The following TOR1AIP1 variants were observed in gnomAD, a reference collection of about 807,000 sequenced individuals.
The protein encoded by TOR1AIP1 is torsin 1A interacting protein 1.
Under a neutral mutation model 63.3 loss-of-function variants are expected in TOR1AIP1, and 54 were observed. That is an observed-to-expected ratio of 0.85 (90% confidence interval 0.69 to 1.07). The LOEUF (loss-of-function observed/expected upper bound fraction) is 1.07, where lower values mean the gene tolerates loss of function less well. Among genes scored for constraint, TOR1AIP1 ranks in the 50% least tolerant of loss-of-function variants. TOR1AIP1 has a pLI of 0.00. For missense variants in TOR1AIP1, 736 were observed against 715.0 expected, an observed-to-expected ratio of 1.03 and a Z score of -0.33; for synonymous variants, 294 against 273.5, an observed-to-expected ratio of 1.07 and a Z score of -0.74.
chr1:179,887,328 G>A (rs1647939293), intron 2 of TOR1AIP1, among the ~76,000 whole-genome samples: 1 of 152,148 alleles, frequency 6.6e-6, no homozygotes, highest in African/African-American at 2.4e-5. Flanking sequence ...GAACGCGGGA[G>A]GCGGAGGTTG....
In TOR1AIP1 at chr1:179,918,419, A is replaced by C; in HGVS notation, c.*180A>C. 1 of 627,068 alleles carries C rather than the reference A, an allele frequency of 1.6e-6. No individual in the cohort carries two copies. The highest frequency in any genetic ancestry group is 1.8e-5 in the African/African-American group (1 of 54,308). The allele number at this position is 627,068 out of a possible 1,614,324, so 38.8% of individuals were successfully genotyped here. ...AACCTAATTATCTGTGATATGAGAG[A>C]ATCATTTCAGTTTCCATTGAGAGCT... On this transcript the variant is annotated 3_prime_UTR_variant, in exon 10 of 10. Transcript: ENST00000606911.
rs2148482633 is a variant in TOR1AIP1 at position 179,914,067 on chromosome 1, A to G, written c.964+13A>G. On this transcript the variant is annotated intron_variant, in intron 9 of 9. Coordinates refer to ENST00000606911, the MANE Select transcript of TOR1AIP1 (RefSeq NM_015602.4). ...ACCTCCAGCCGACGTAAGTTTATGT[A>G]TTCAGTTTTTATTAAATATTTCTGT... The G allele has an allele frequency of 1.9e-6, 3 of 1,608,930 alleles. No homozygotes were observed. Among genetic ancestry groups the G allele is most frequent in the Admixed American group, 1.7e-5 (1 of 59,164 alleles).
chr1:179,884,811 C>A, intron 2 of TOR1AIP1, 42 bp downstream of exon 2: 1 of 1,441,056 alleles, frequency 6.9e-7, no homozygotes, highest in Non-Finnish European at 9.6e-7. Context: ...TACCTACCAA[C>A]TTTTTAAATG....
intron 5 of TOR1AIP1, among the ~76,000 whole-genome samples, chr1:179,901,784 A>C (rs547776): frequency 0.58 from 87,996 of 151,748 alleles, 26,368 homozygotes; most frequent in East Asian, 0.76. Flanking sequence ...ATTCAAACCA[A>C]ATTATTAATT....
intron 8 of TOR1AIP1, among the ~76,000 whole-genome samples, chr1:179,909,503 C>T (rs966940712): frequency 2.0e-5 from 3 of 151,966 alleles, no homozygotes; most frequent in Non-Finnish European, 4.4e-5. Flanking sequence ...CTCTGCCTCC[C>T]GGGTTCAAGC....
rs755952140 is a variant in TOR1AIP1 at position 179,882,534 on chromosome 1, T to C, written c.32T>C (p.Val11Ala). The change falls in exon 1 of 10, where the codon GTG becomes GCG. Residue 11 changes from valine (V) to alanine (A), a missense_variant. By Grantham distance (64) the Val-to-Ala change is moderately conservative (BLOSUM62 0). Coordinates refer to ENST00000606911, the MANE Select transcript of TOR1AIP1 (RefSeq NM_015602.4). MAGDGRRAEA[V>A]REGWGVYVTP... ...GGCGACGGGCGGCGGGCAGAGGCGG[T>C]GCGGGAAGGATGGGGTGTGTACGTC... is the stretch of plus-strand genomic sequence containing the variant. 7 of 1,449,196 alleles carry C rather than the reference T, an allele frequency of 4.8e-6. No individual in the cohort carries two copies. Among genetic ancestry groups the C allele is most frequent in the East Asian group, 2.5e-5 (1 of 39,590 alleles). The allele number at this position is 1,449,196 out of a possible 1,614,324, so 89.8% of individuals were successfully genotyped here.
At chr1:179,890,900 A>G (rs1648054764) in intron 3 of TOR1AIP1, among the ~76,000 whole-genome samples, 1 of 152,146 alleles carries the variant, frequency 6.6e-6, no homozygotes, top group Admixed American at 6.5e-5. Flanking sequence ...GATTATTGGC[A>G]TGCACAACTG....
At chr1:179,885,187 C>T (rs1405057927) in intron 2 of TOR1AIP1, among the ~76,000 whole-genome samples, 1 of 152,190 alleles carries the variant, frequency 6.6e-6, no homozygotes, top group Non-Finnish European at 1.5e-5. Flanking sequence ...AATCTTGACA[C>T]AGTGTGATCA....
At chr1:179,901,265 A>T in intron 4 of TOR1AIP1, 37 bp from the exon 5 acceptor site, 1 of 1,400,858 alleles carries the variant, frequency 7.1e-7, no homozygotes, top group Non-Finnish European at 9.9e-7. Flanking sequence ...TGAGCATTAA[A>T]ATAGACTATA....
chr1:179,917,315 A>G (rs939519625), intron 9 of TOR1AIP1, 137 bp from the exon 10 acceptor site: 25 of 757,482 alleles, frequency 3.3e-5, no homozygotes, highest in South Asian at 2.3e-4. Context: ...TTATTAAGAA[A>G]ATTATCAGCT....
Position 179,882,574 on chromosome 1 carries a change from C to T in TOR1AIP1, c.72C>T (p.Pro24=), listed in dbSNP as rs767301884. ...GTGTGTACGTCACCCCCAGGGCCCC[C>T]ATCCGAGAGGGAAGGGGCCGGCTCG... is the stretch of plus-strand genomic sequence containing the variant. ...GWGVYVTPRA[P]IREGRGRLAP... is the part of the protein sequence containing the mutation. The change falls in exon 1 of 10, where the codon CCC becomes CCT. Residue 24 remains proline, a synonymous_variant. Transcript: ENST00000606911. 2.0e-6 allele frequency: 3 copies of T among 1,518,076 alleles called. No individual in the cohort carries two copies. Among genetic ancestry groups the T allele is most frequent in the Non-Finnish European group, 2.6e-6 (3 of 1,136,704 alleles). The allele number at this position is 1,518,076 out of a possible 1,614,324, so 94.0% of individuals were successfully genotyped here.
At chr1:179,884,385 C>T (rs2148469755) in intron 1 of TOR1AIP1, among the ~76,000 whole-genome samples, 1 of 152,230 alleles carries the variant, frequency 6.6e-6, no homozygotes, top group South Asian at 2.1e-4. Context: ...AAACATTTTT[C>T]ACTCTTCTGC....
chr1:179,882,506 G>A lies in TOR1AIP1; in HGVS notation c.4G>A (p.Ala2Thr), dbSNP rs762432523. 2 of 1,455,930 alleles carry A rather than the reference G, an allele frequency of 1.4e-6. No homozygotes were observed. The highest frequency in any genetic ancestry group is 2.9e-5 in the Admixed American group (1 of 34,904). The allele number at this position is 1,455,930 out of a possible 1,614,324, so 90.2% of individuals were successfully genotyped here. Residue 2 changes from alanine (A) to threonine (T), a missense_variant, in exon 1 of 10, where the codon GCG becomes ACG. Ala to Thr is a moderately conservative substitution (Grantham distance 58, BLOSUM62 0). Around this residue, in one of 2 missense-constraint regions of TOR1AIP1, gnomAD observed 464 missense variants for 371.0 expected, o/e 1.25. Coordinates refer to ENST00000606911, the MANE Select transcript of TOR1AIP1 (RefSeq NM_015602.4). MAGDGRRAEAVR... is the reference protein window; with the variant it reads MTGDGRRAEAVR... ...GACTAAAGCTACGTCAACAACTATG[G>A]CGGGCGACGGGCGGCGGGCAGAGGC...
Position 179,882,603 on chromosome 1 carries a change from C to T in TOR1AIP1, c.101C>T (p.Pro34Leu). The T allele has an allele frequency of 1.3e-6, 2 of 1,528,286 alleles. No individual in the cohort carries two copies. The highest frequency in any genetic ancestry group is 1.8e-6 in the Non-Finnish European group (2 of 1,140,414). The allele number at this position is 1,528,286 out of a possible 1,614,324, so 94.7% of individuals were successfully genotyped here. The change falls in exon 1 of 10, where the codon CCT (proline) becomes CTT (leucine). Residue 34 changes from proline to leucine, a missense_variant. Around this residue, in one of 2 missense-constraint regions of TOR1AIP1, gnomAD observed 464 missense variants for 371.0 expected, o/e 1.25. Coordinates refer to ENST00000606911, the MANE Select transcript of TOR1AIP1 (RefSeq NM_015602.4). The part of the protein sequence containing the change: ...PIREGRGRLA[P>L]QNGGSSDAPA... ...CGAGAGGGAAGGGGCCGGCTCGCCCCTCAAAATGGCGGCAGCAGCGATGCG... is the reference window on the plus strand; with the variant it reads ...CGAGAGGGAAGGGGCCGGCTCGCCCTTCAAAATGGCGGCAGCAGCGATGCG...
chr1:179,887,389 A>G (rs2148471055), intron 2 of TOR1AIP1, among the ~76,000 whole-genome samples: 1 of 152,238 alleles, frequency 6.6e-6, no homozygotes, highest in Admixed American at 6.5e-5. Flanking sequence ...ATGGAGCCAG[A>G]GTCCGTCTAA....
intron 4 of TOR1AIP1, among the ~76,000 whole-genome samples, chr1:179,901,089 A>G (rs1431354138): frequency 1.3e-5 from 2 of 152,232 alleles, no homozygotes; most frequent in African/African-American, 2.4e-5. Flanking sequence ...TTAGGAAAGT[A>G]TTATGTGCCC....
At chr1:179,912,841 TA>T (rs1648882049) in intron 8 of TOR1AIP1, among the ~76,000 whole-genome samples, 1 of 152,224 alleles carries the variant, frequency 6.6e-6, no homozygotes, top group Non-Finnish European at 1.5e-5. Flanking sequence ...GGGCTAATAT[TA>T]TTCCTCCAGT....
At chr1:179,901,250 T>A in intron 4 of TOR1AIP1, 52 bp from the exon 5 acceptor site, 1 of 1,218,256 alleles carries the variant, frequency 8.2e-7, no homozygotes, top group Non-Finnish European at 1.1e-6. Flanking sequence ...TAAATTCAGA[T>A]CTTCTGAGCA....
At chr1:179,883,535 A>T (rs2148469305) in intron 1 of TOR1AIP1, 2 of 440,552 alleles carry the variant, frequency 4.5e-6, no homozygotes, top group Non-Finnish European at 9.2e-6. Context: ...CAATACTTTC[A>T]CCGAAATGGG....
Sources: gnomAD v4.1 joint callset for allele counts (sites outside exome capture counted in the v4.1 genomes callset) on GRCh38, gnomAD v4.1.1 for gene constraint, gnomAD v4.1.1 regional missense constraint, MANE v1.5 for transcripts, NCBI Gene and HGNC (gene_info 2026-07-23, HGNC 2026-07-21) for gene names.